Variants in FOXK1 observed in about 807,000 individuals in gnomAD.
FOXK1 encodes the protein forkhead box protein K1.
A neutral mutation model predicts 51.9 loss-of-function variants in FOXK1; 19 were observed. The observed-to-expected ratio is 0.37, with a 90% CI of 0.26 to 0.54. FOXK1 has a LOEUF of 0.54. Ranked by LOEUF, FOXK1 falls within the 20% of genes least tolerant of loss-of-function variation. FOXK1 has a pLI of 0.87. For synonymous variants in FOXK1, 537 were observed against 482.6 expected (o/e 1.11, Z -1.48); for missense variants, 870 against 1,032.7 (o/e 0.84, Z 2.16).
intron 1 of FOXK1, among the ~76,000 whole-genome samples, chr7:4,727,722 G>C (rs558021914): frequency 6.6e-6 from 1 of 152,200 alleles, no homozygotes; most frequent in Non-Finnish European, 1.5e-5. Context: ...CCACCTTCCC[G>C]TCACTCCTCG....
intron 1 of FOXK1, among the ~76,000 whole-genome samples, chr7:4,719,605 C>T (rs1780282964): frequency 6.6e-6 from 1 of 152,162 alleles, no homozygotes. Context: ...CCTCAGCTTC[C>T]TGAGTAGCTG....
chr7:4,768,512 CT>C lies in FOXK1; in HGVS notation c.*6052del. 1 of 152,576 alleles carries C rather than the reference CT, an allele frequency of 6.6e-6. No individual in the cohort carries two copies. Among genetic ancestry groups the C allele is most frequent in the Non-Finnish European group, 1.5e-5 (1 of 68,230 alleles). 9.5% of individuals were successfully genotyped at this position (152,576 alleles called of 1,614,324 possible). A position where few individuals can be genotyped will look rare whatever the true frequency, so the allele number is the denominator to read the frequency against. On this transcript the variant is annotated 3_prime_UTR_variant, in exon 9 of 9. Transcript: ENST00000328914. ...GGCATGGGACCCTGTCTCTGCTGGGCTTTTCCGGCCCCGTCCCAGCTCCTCC... is the reference window on the plus strand; with the variant it reads ...GGCATGGGACCCTGTCTCTGCTGGGCTTTCCGGCCCCGTCCCAGCTCCTCC...
In FOXK1 at chr7:4,703,883, A is replaced by G. The variant is rs1320837580; in HGVS notation, c.560+21015A>G. 6.6e-6 allele frequency among the ~76,000 whole-genome samples: 1 copy of G among 152,200 alleles called. No homozygotes were observed. ...AAGTAACATATGGCAGTCACATTAC[A>G]TTATGACCATGAAGGCTAAATACTC... On this transcript the variant is annotated intron_variant, in intron 1 of 8. Coordinates refer to ENST00000328914, the MANE Select transcript of FOXK1 (RefSeq NM_001037165.2). The surrounding 1 kb of genome is among the most constrained non-coding windows in gnomAD (Gnocchi z 5.6).
rs536163782 is a variant in FOXK1 at position 4,731,773 on chromosome 7, A to G, written c.561-9065A>G. ...AACTCTGCCTCAAAAAAAAAAAAAAAAAAAGAAAACAGAGAGGCCTGCTTA... is the reference window on the plus strand; with the variant it reads ...AACTCTGCCTCAAAAAAAAAAAAAAGAAAAGAAAACAGAGAGGCCTGCTTA... On this transcript the variant is annotated intron_variant, in intron 1 of 8. Transcript: ENST00000328914. This position sits in a 1 kb window ranked among gnomAD's most constrained non-coding sequence, Gnocchi z 5.3. Among the ~76,000 whole-genome samples the G allele has an allele frequency of 4.5e-4, 68 of 152,100 alleles. No individual in the cohort carries two copies. Among genetic ancestry groups the G allele is most frequent in the African/African-American group, 1.4e-3 (56 of 41,428 alleles).
At chr7:4,699,648 A>C (rs1779997002) in intron 1 of FOXK1, among the ~76,000 whole-genome samples, 2 of 152,098 alleles carry the variant, frequency 1.3e-5, no homozygotes, top group Admixed American at 6.6e-5. Flanking sequence ...GATTACAGGC[A>C]TGAGCCACCG....
At chr7:4,693,934 A>G (rs769265007) in intron 1 of FOXK1, among the ~76,000 whole-genome samples, 1 of 152,110 alleles carries the variant, frequency 6.6e-6, no homozygotes, top group Non-Finnish European at 1.5e-5. Context: ...AGGCTGGAGT[A>G]CAGTGGCATG....
At position 4,759,159 on chromosome 7, in the gene FOXK1, T is replaced by C. The variant is rs753450279; in HGVS notation, c.1353T>C (p.Pro451=). ...SREGSPIPHD[P]EFGSKLASVP... ...AGGGCTCCCCCATTCCACACGACCC[T>C]GAGTTTGGGTCCAAGTTAGCTTCTG... Residue 451 remains proline (P), a synonymous_variant, in exon 6 of 9, where the codon CCT becomes CCC. Transcript: ENST00000328914. 17 of 1,612,610 alleles carry C rather than the reference T, an allele frequency of 1.1e-5. 1 individual carries two copies. In the Admixed American group the frequency reaches 2.7e-4, roughly 25 times the overall value.
rs1781012070 is a variant in FOXK1, at chr7:4,766,453, C to T, written c.*3989C>T. 1 of 152,228 alleles carries T rather than the reference C, an allele frequency of 6.6e-6. No individual in the cohort carries two copies. The highest frequency in any genetic ancestry group is 2.4e-5 in the African/African-American group (1 of 41,454). 9.4% of individuals were successfully genotyped at this position (152,228 alleles called of 1,614,324 possible). A position where few individuals can be genotyped will look rare whatever the true frequency, so the allele number is the denominator to read the frequency against. ...TCTCACACCTGCCGCCCCTCACTTT[C>T]CTTCCCGAGGTCTGGTAGGTCCTCT... On this transcript the variant is annotated 3_prime_UTR_variant, in exon 9 of 9. Coordinates refer to ENST00000328914, the MANE Select transcript of FOXK1 (RefSeq NM_001037165.2). The surrounding 1 kb of genome is among the most constrained non-coding windows in gnomAD (Gnocchi z 5.5).
chr7:4,748,368 C>T lies in FOXK1; in HGVS notation c.747-6091C>T, dbSNP rs1780732832. Among the ~76,000 whole-genome samples, 1 of 152,178 alleles carries T rather than the reference C, an allele frequency of 6.6e-6. No homozygotes were observed. The highest frequency in any genetic ancestry group is 2.4e-5 in the African/African-American group (1 of 41,434). On this transcript the variant is annotated intron_variant, in intron 2 of 8. Transcript: ENST00000328914. The surrounding 1 kb of genome is among the most constrained non-coding windows in gnomAD (Gnocchi z 4.9). Reference sequence around the variant, plus strand: ...CCCCATCCCAGTAAAGTTACATCATCATGTCTGGTTTACCTTGCATGAGCG... The same window carrying T: ...CCCCATCCCAGTAAAGTTACATCATTATGTCTGGTTTACCTTGCATGAGCG...
chr7:4,752,885 C>A (rs561114667), intron 2 of FOXK1, among the ~76,000 whole-genome samples: 44 of 152,338 alleles, frequency 2.9e-4, no homozygotes, highest in African/African-American at 1.0e-3. Context: ...ATTTTGGGGG[C>A]TGTGTGCTGT....
rs1011287658 is a variant in FOXK1 at position 4,703,066 on chromosome 7, G to C, written c.560+20198G>C. Among the ~76,000 whole-genome samples the C allele has an allele frequency of 6.6e-6, 1 of 152,180 alleles. No individual in the cohort carries two copies. Among genetic ancestry groups the C allele is most frequent in the Admixed American group, 6.5e-5 (1 of 15,282 alleles). On this transcript the variant is annotated intron_variant, in intron 1 of 8. Transcript: ENST00000328914. The surrounding 1 kb of genome is among the most constrained non-coding windows in gnomAD (Gnocchi z 5.6). ...GGTCCGGTTGGGGACCGAGACCCCT[G>C]GTTGCTTGCACTGCTGGGTGAGAGT...
At chr7:4,686,898 G>A (rs982368065) in intron 1 of FOXK1, among the ~76,000 whole-genome samples, 26 of 151,698 alleles carry the variant, frequency 1.7e-4, no homozygotes, top group African/African-American at 6.3e-4. Flanking sequence ...ATGTGTGTGT[G>A]TGCTGTCATT....
chr7:4,704,503 C>G (rs1313015597), intron 1 of FOXK1, among the ~76,000 whole-genome samples: 1 of 144,674 alleles, frequency 6.9e-6, no homozygotes, highest in Non-Finnish European at 1.5e-5. Context: ...CATCAAAACA[C>G]AAATAAATAT....
At chr7:4,726,016 T>TG (rs34797209) in intron 1 of FOXK1, among the ~76,000 whole-genome samples, 11 of 38,952 alleles carry the variant, frequency 2.8e-4, no homozygotes, top group African/African-American at 8.7e-4. Flanking sequence ...CAAACAGAAC[T>TG]TTTTTTTTTT....
At chr7:4,742,340 C>T (rs6978490) in intron 2 of FOXK1, among the ~76,000 whole-genome samples, 1,546 of 152,256 alleles carry the variant, frequency 0.01, 26 homozygotes, top group African/African-American at 0.036. Context: ...TGCTGATCTG[C>T]GCACTCTGCT....
chr7:4,767,707 G>C lies in FOXK1; in HGVS notation c.*5243G>C, dbSNP rs1781034807. ...CTTACAATTTCCTTTTCTTTTCAAAGTTCCTTTCTCCAGGCCTGTTTTTCA... is the reference window on the plus strand; with the variant it reads ...CTTACAATTTCCTTTTCTTTTCAAACTTCCTTTCTCCAGGCCTGTTTTTCA... On this transcript the variant is annotated 3_prime_UTR_variant, in exon 9 of 9. Transcript: ENST00000328914. This position sits in a 1 kb window ranked among gnomAD's most constrained non-coding sequence, Gnocchi z 6.6. 1 of 152,098 alleles carries C rather than the reference G, an allele frequency of 6.6e-6. No individual in the cohort carries two copies. The highest frequency in any genetic ancestry group is 1.5e-5 in the Non-Finnish European group (1 of 68,028). The allele number at this position is 152,098 out of a possible 1,614,324, so 9.4% of individuals were successfully genotyped here.
At chr7:4,692,865 C>T (rs1271110227) in intron 1 of FOXK1, among the ~76,000 whole-genome samples, 3 of 152,046 alleles carry the variant, frequency 2.0e-5, no homozygotes, top group African/African-American at 7.3e-5. Context: ...TAGCTGGGAC[C>T]ACAGGTGAGC....
At chr7:4,746,602 C>G (rs562384023) in intron 2 of FOXK1, among the ~76,000 whole-genome samples, 1 of 152,158 alleles carries the variant, frequency 6.6e-6, no homozygotes. Context: ...GCAGGAGGAT[C>G]GCTTGAGCCC....
In FOXK1 at chr7:4,755,270, C is replaced by G; in HGVS notation, c.937C>G (p.Leu313Val). 1 of 1,614,080 alleles carries G rather than the reference C, an allele frequency of 6.2e-7. No individual in the cohort carries two copies. The highest frequency in any genetic ancestry group is 8.5e-7 in the Non-Finnish European group (1 of 1,180,030). The part of the protein sequence containing the change: ...ESKPPFSYAQ[L>V]IVQAISSAQD... ...AAAGCCGCCGTTCTCCTACGCGCAG[C>G]TGATCGTGCAGGCCATCTCCTCCGC... The change falls in exon 4 of 9, where the codon CTG (leucine) becomes GTG (valine). Residue 313 changes from leucine (L) to valine (V), a missense_variant. Transcript: ENST00000328914. The surrounding 1 kb of genome is among the most constrained non-coding windows in gnomAD (Gnocchi z 6.6).
Sources: allele counts gnomAD v4.1 joint callset (sites outside exome capture counted in the v4.1 genomes callset), GRCh38; gene constraint gnomAD v4.1.1; non-coding constraint Gnocchi (gnomAD v3.1); transcripts MANE v1.5; gene names NCBI Gene and HGNC (gene_info 2026-07-23, HGNC 2026-07-21).